Variants in ADGRB1 observed in about 807,000 individuals in gnomAD.
ADGRB1 encodes the protein adhesion G protein-coupled receptor B1.
ADGRB1 carries 36 observed loss-of-function variants against 175.7 expected under a neutral mutation model. That is an observed-to-expected ratio of 0.20 (90% CI 0.16 to 0.27). The LOEUF is 0.27. ADGRB1 is among the 10% of genes least tolerant of loss of function. ADGRB1 has a pLI of 1.00. For missense variants in ADGRB1, 1,731 were observed against 2,255.3 expected (o/e 0.77, Z 4.71); for synonymous variants, 1,054 against 979.4 (o/e 1.08, Z -1.42).
rs867136630 is a variant in ADGRB1, at chr8:142,522,647, C to A, written c.3182C>A (p.Pro1061His). ...CTCTCTGCTCCTTCTCCAGGGCTCC[C>A]TGCACTGGTTGTGGCCATTTCTGTG... ...KRFLCLGWGL[P>H]ALVVAISVGF... The change falls in exon 22 of 31, where the codon CCT becomes CAT. Residue 1061 changes from proline (P) to histidine (H), a missense_variant. Coordinates refer to ENST00000517894, the MANE Select transcript of ADGRB1 (RefSeq NM_001702.3). 1 of 1,560,992 alleles carries A rather than the reference C, an allele frequency of 6.4e-7. No individual in the cohort carries two copies. The highest frequency in any genetic ancestry group is 2.4e-5 in the East Asian group (1 of 42,394).
chr8:142,469,480 AGT>A (rs760111358), intron 2 of ADGRB1, among the ~76,000 whole-genome samples: 12 of 101,142 alleles, frequency 1.2e-4, no homozygotes, highest in East Asian at 6.0e-4. Flanking sequence ...TGCATGTGTG[AGT>A]GTGTATGCAC....
intron 23 of ADGRB1, 69 bp downstream of exon 23, chr8:142,524,373 G>A: frequency 1.4e-6 from 2 of 1,462,944 alleles, no homozygotes; most frequent in Non-Finnish European, 9.2e-7. Context: ...CTGGGCCTCG[G>A]TGCTGTCTCA....
At position 142,510,803 on chromosome 8, in the gene ADGRB1, C is replaced by A. The variant is rs1843056340; in HGVS notation, c.2676-129C>A. The A allele has an allele frequency of 7.3e-6, 2 of 273,938 alleles. No individual in the cohort carries two copies. Among genetic ancestry groups the A allele is most frequent in the African/African-American group, 2.3e-5 (1 of 42,790 alleles). The allele number at this position is 273,938 out of a possible 1,614,324, so 17.0% of individuals were successfully genotyped here. A position where few individuals can be genotyped will look rare whatever the true frequency, so the allele number is the denominator to read the frequency against. Reference sequence around the variant, plus strand: ...GGGCGGACGGGCGCGCGGCTGCGGGCGCAGGTGCGGGGCGGCGGGCCGGGG... The same window carrying A: ...GGGCGGACGGGCGCGCGGCTGCGGGAGCAGGTGCGGGGCGGCGGGCCGGGG... On this transcript the variant is annotated intron_variant, in intron 17 of 30. Coordinates refer to ENST00000517894, the MANE Select transcript of ADGRB1 (RefSeq NM_001702.3). The surrounding 1 kb of genome is among the most constrained non-coding windows in gnomAD (Gnocchi z 6.3).
At position 142,481,508 on chromosome 8, in the gene ADGRB1, C is replaced by A; in HGVS notation, c.1936-9C>A. ...AGGTGAAGGCACCCGCCCTCTCTGT[C>A]TTCCGCAGACCCGGGAGCACCTGGC... On this transcript the variant is annotated splice_polypyrimidine_tract_variant and intron_variant, in intron 10 of 30. Coordinates refer to ENST00000517894, the MANE Select transcript of ADGRB1 (RefSeq NM_001702.3). 6.4e-7 allele frequency: 1 copy of A among 1,573,356 alleles called. No individual in the cohort carries two copies. The highest frequency in any genetic ancestry group is 2.3e-5 in the East Asian group (1 of 43,374).
intron 20 of ADGRB1, 102 bp from the exon 21 acceptor site, chr8:142,521,863 G>A: frequency 1.5e-6 from 2 of 1,372,380 alleles, no homozygotes; most frequent in Non-Finnish European, 2.0e-6. Context: ...CCCAGTGAGG[G>A]TGCTGGGTGC....
chr8:142,514,955 G>A (rs1305347612), intron 18 of ADGRB1, among the ~76,000 whole-genome samples: 2 of 152,138 alleles, frequency 1.3e-5, no homozygotes, highest in African/African-American at 2.4e-5. Context: ...GTGGCAGGAC[G>A]AAGGTGGTAC....
intron 2 of ADGRB1, among the ~76,000 whole-genome samples, chr8:142,469,276 GGTGA>G (rs1394007441): frequency 3.6e-5 from 5 of 140,474 alleles, no homozygotes; most frequent in East Asian, 2.2e-4. Flanking sequence ...TGCACGTGCA[GGTGA>G]GTGAATGTGT....
chr8:142,453,347 G>A (rs777301281), intron 1 of ADGRB1, among the ~76,000 whole-genome samples: 9 of 152,208 alleles, frequency 5.9e-5, no homozygotes, highest in Non-Finnish European at 1.3e-4. Context: ...CGTCGGCTCT[G>A]GCTCTGGGCT....
chr8:142,464,799 C>G lies in ADGRB1; in HGVS notation c.601C>G (p.Arg201Gly). 2 of 1,535,024 alleles carry G rather than the reference C, an allele frequency of 1.3e-6. No individual in the cohort carries two copies. The highest frequency in any genetic ancestry group is 1.4e-5 in the African/African-American group (1 of 72,650). The change falls in exon 2 of 31, where the codon CGC becomes GGC. Residue 201 changes from arginine to glycine, a missense_variant. Physicochemically the swap from Arg to Gly is moderately radical, Grantham distance 125. This residue lies in a region of ADGRB1 where 383 missense variants were observed against 383.1 expected (regional missense o/e 1.00). Coordinates refer to ENST00000517894, the MANE Select transcript of ADGRB1 (RefSeq NM_001702.3). ...RWLDACLAGS[R>G]SSHPCGIMQT... ...GCTGGACGCGTGTCTGGCCGGTAGT[C>G]GCAGCTCGCACCCCTGCGGGATCAT...
At position 142,544,466 on chromosome 8, in the gene ADGRB1, C is replaced by T. The variant is rs1438460749; in HGVS notation, c.*49C>T. 1 of 1,421,572 alleles carries T rather than the reference C, an allele frequency of 7.0e-7. No individual in the cohort carries two copies. The highest frequency in any genetic ancestry group is 9.2e-7 in the Non-Finnish European group (1 of 1,091,264). 88.1% of individuals were successfully genotyped at this position (1,421,572 alleles called of 1,614,324 possible). A position where few individuals can be genotyped will look rare whatever the true frequency, so the allele number is the denominator to read the frequency against. On this transcript the variant is annotated 3_prime_UTR_variant, in exon 31 of 31. Coordinates refer to ENST00000517894, the MANE Select transcript of ADGRB1 (RefSeq NM_001702.3). ...TGGGCCACGGAGGAGGGATGCTGCT[C>T]CGCCCGCTCCTGCCGCAGACGGGCA...
chr8:142,514,240 C>A (rs547178958), intron 18 of ADGRB1, among the ~76,000 whole-genome samples: 2 of 151,562 alleles, frequency 1.3e-5, no homozygotes, highest in African/African-American at 4.9e-5. Context: ...GAGGCGGGTA[C>A]GTGGGCACCC....
intron 17 of ADGRB1, among the ~76,000 whole-genome samples, chr8:142,501,807 G>A (rs55866044): frequency 9.6e-5 from 5 of 52,030 alleles, no homozygotes; most frequent in South Asian, 1.1e-3. Flanking sequence ...TGATGGAGGT[G>A]GGGTGGTGGT....
At chr8:142,454,423 G>A (rs1839537829) in intron 1 of ADGRB1, among the ~76,000 whole-genome samples, 1 of 152,196 alleles carries the variant, frequency 6.6e-6, no homozygotes, top group Non-Finnish European at 1.5e-5. Context: ...GTCAGCACGA[G>A]CACACCGTGA....
chr8:142,475,718 G>A (rs1840926445), intron 3 of ADGRB1, 83 bp downstream of exon 3: 2 of 978,602 alleles, frequency 2.0e-6, no homozygotes, highest in Admixed American at 4.5e-5. Context: ...GGGCCCTGGA[G>A]AGGAGGGGCC....
chr8:142,471,633 G>A (rs1284361489), intron 2 of ADGRB1, among the ~76,000 whole-genome samples: 4 of 152,274 alleles, frequency 2.6e-5, no homozygotes, highest in Admixed American at 2.0e-4. Context: ...AGGAGATGGA[G>A]GCTTGACAGG....
At chr8:142,526,751 G>A (rs918179246) in intron 24 of ADGRB1, 124 bp downstream of exon 24, 70 of 1,010,794 alleles carry the variant, frequency 6.9e-5, no homozygotes, top group Middle Eastern at 2.6e-4. Context: ...ACCCCGGAGC[G>A]GGTGGGAAAC....
At position 142,492,069 on chromosome 8, in the gene ADGRB1, C is replaced by T. The variant is rs1842006587; in HGVS notation, c.2675+1254C>T. Among the ~76,000 whole-genome samples, 3 of 152,136 alleles carry T rather than the reference C, an allele frequency of 2.0e-5. 1 individual carries two copies. In the South Asian group the frequency reaches 6.2e-4, roughly 32 times the overall value. ...GTGTCATGACTCTCCACCTACCCACCACCCATCCACCCTCTCCTCTGTCTG... is the reference window on the plus strand; with the variant it reads ...GTGTCATGACTCTCCACCTACCCACTACCCATCCACCCTCTCCTCTGTCTG... On this transcript the variant is annotated intron_variant, in intron 17 of 30. Transcript: ENST00000517894. The surrounding 1 kb of genome is among the most constrained non-coding windows in gnomAD (Gnocchi z 4.4).
rs369080410 is a variant in ADGRB1, at chr8:142,543,500, C to G, written c.4449+62C>G. 4 of 1,609,160 alleles carry G rather than the reference C, an allele frequency of 2.5e-6. No homozygotes were observed. The highest frequency in any genetic ancestry group is 2.2e-5 in the East Asian group (1 of 44,720). Reference sequence around the variant, plus strand: ...GCCAGATGTGCTCTGGGCTCCCACACGGCCAGGCAGCTCCCCGGCAGCCAG... The same window carrying G: ...GCCAGATGTGCTCTGGGCTCCCACAGGGCCAGGCAGCTCCCCGGCAGCCAG... On this transcript the variant is annotated intron_variant, in intron 29 of 30. Coordinates refer to ENST00000517894, the MANE Select transcript of ADGRB1 (RefSeq NM_001702.3). The surrounding 1 kb of genome is among the most constrained non-coding windows in gnomAD (Gnocchi z 4.4).
intron 21 of ADGRB1, 78 bp downstream of exon 21, chr8:142,522,193 C>A: frequency 6.5e-7 from 1 of 1,547,358 alleles, no homozygotes; most frequent in East Asian, 2.3e-5. Flanking sequence ...GCAGCCCCTC[C>A]TCTCCCCATC....
Sources: allele counts gnomAD v4.1 joint callset (sites outside exome capture counted in the v4.1 genomes callset), GRCh38; gene constraint gnomAD v4.1.1; regional missense constraint gnomAD v4.1.1; non-coding constraint Gnocchi (gnomAD v3.1); transcripts MANE v1.5; gene names NCBI Gene and HGNC (gene_info 2026-07-23, HGNC 2026-07-21).